The following ODF2L variants were observed in gnomAD, a reference collection of about 807,000 sequenced individuals.
ODF2L encodes the protein outer dense fiber of sperm tails 2 like, also known as protein BCAP.
ODF2L carries 76 observed loss-of-function variants against 86.3 expected under a neutral mutation model. That is an observed-to-expected ratio of 0.88 (90% CI 0.73 to 1.07). The LOEUF is 1.07. ODF2L is among the 50% of genes least tolerant of loss of function. The pLI is 0.00. For missense variants in ODF2L, 748 were observed against 717.4 expected, an observed-to-expected ratio of 1.04 and a Z score of -0.49; for synonymous variants, 241 against 231.3, an observed-to-expected ratio of 1.04 and a Z score of -0.38.
chr1:86,381,494 T>A (rs1406111468), intron 7 of ODF2L, among the ~76,000 whole-genome samples: 1 of 152,018 alleles, frequency 6.6e-6, no homozygotes, highest in Non-Finnish European at 1.5e-5. Flanking sequence ...GCTGCAGACA[T>A]CTGCTATAAT....
At position 86,389,617 on chromosome 1, in the gene ODF2L, A is replaced by G. The variant is rs552266024; in HGVS notation, c.-59-2531T>C. The stretch of plus-strand genomic sequence containing the variant: ...TGAAACAAAAAGCTGGTCCTTTGAA[A>G]AGATAAATAAAACTGACAGAACATT... On this transcript the variant is annotated intron_variant, in intron 1 of 17. Coordinates refer to ENST00000317336, the Ensembl canonical transcript of ODF2L. Among the ~76,000 whole-genome samples the G allele has an allele frequency of 4.1e-5, 6 of 147,626 alleles. No individual in the cohort carries two copies. The East Asian group carries it at 1.2e-3, about 30-fold the overall frequency.
chr1:86,365,457 A>G lies in ODF2L; in HGVS notation c.1143+3179T>C, dbSNP rs558373860. On this transcript the variant is annotated intron_variant, in intron 11 of 17. Coordinates refer to ENST00000317336, the Ensembl canonical transcript of ODF2L. ...CAGAGGGAGACAAATTATACAAACAAGTAAGTGTAATGAAATTCTACCTGC... is the reference window on the plus strand; with the variant it reads ...CAGAGGGAGACAAATTATACAAACAGGTAAGTGTAATGAAATTCTACCTGC... Among the ~76,000 whole-genome samples, 5 of 152,288 alleles carry G rather than the reference A, an allele frequency of 3.3e-5. No homozygotes were observed. In the South Asian group the frequency reaches 1.0e-3, roughly 32 times the overall value.
intron 10 of ODF2L, 45 bp downstream of exon 10, chr1:86,370,973 G>A (rs1659750709): frequency 7.7e-7 from 1 of 1,298,714 alleles, no homozygotes; most frequent in Non-Finnish European, 1.0e-6. Flanking sequence ...AGTAGACTAT[G>A]GTCATTACAC....
At position 86,360,405 on chromosome 1, in the gene ODF2L, TA is replaced by T. The variant is rs774927072; in HGVS notation, c.1254+20del. Reference sequence around the variant, plus strand: ...ATTGTCTACCAATTTTAGTAAACACTAAAATAAATGCAGTAGTCACCTGAGT... The same window carrying T: ...ATTGTCTACCAATTTTAGTAAACACTAAATAAATGCAGTAGTCACCTGAGT... On this transcript the variant is annotated intron_variant, in intron 12 of 17. Coordinates refer to ENST00000317336, the Ensembl canonical transcript of ODF2L. The T allele has an allele frequency of 3.1e-5, 33 of 1,076,896 alleles. No individual in the cohort carries two copies. Among genetic ancestry groups the T allele is most frequent in the Middle Eastern group, 4.2e-4 (2 of 4,784 alleles). The allele number at this position is 1,076,896 out of a possible 1,614,324, so 66.7% of individuals were successfully genotyped here.
intron 2 of ODF2L, chr1:86,385,842 T>TATATGAGCCTAAGAACATTCTA (rs1570431789): frequency 4.0e-6 from 1 of 248,786 alleles, no homozygotes; most frequent in South Asian, 1.4e-4. Flanking sequence ...AAGGAGCATT[T>TATATGAGCCTAAGAACATTCTA]TCAATATTTA....
At chr1:86,392,739 A>G (rs1022275746) in intron 1 of ODF2L, among the ~76,000 whole-genome samples, 1 of 152,226 alleles carries the variant, frequency 6.6e-6, no homozygotes, top group Non-Finnish European at 1.5e-5. Context: ...TGGGTGCACC[A>G]AAATCTCACA....
At chr1:86,358,972 T>C in intron 12 of ODF2L, 81 bp from the exon 12 acceptor site, 1 of 674,550 alleles carries the variant, frequency 1.5e-6, no homozygotes, top group Non-Finnish European at 2.4e-6. Context: ...AATTTCATTT[T>C]AAACAAGTCA....
At chr1:86,355,565 G>A (rs932473258) in intron 14 of ODF2L, among the ~76,000 whole-genome samples, 9 of 151,908 alleles carry the variant, frequency 5.9e-5, no homozygotes, top group African/African-American at 2.2e-4. Context: ...GGGTACAAAT[G>A]CAGGTTTGTT....
rs541278370 is a variant in ODF2L, at chr1:86,370,811, G to A, written c.1056+207C>T. ...ATTCATTTAACTGCAAAAATGCATAGTAGTTTATTTTAAAAGTTGAGGCAA... is the reference window on the plus strand; with the variant it reads ...ATTCATTTAACTGCAAAAATGCATAATAGTTTATTTTAAAAGTTGAGGCAA... On this transcript the variant is annotated intron_variant, in intron 10 of 17. Coordinates refer to ENST00000317336, the Ensembl canonical transcript of ODF2L. Among the ~76,000 whole-genome samples, 56 of 152,248 alleles carry A rather than the reference G, an allele frequency of 3.7e-4. 2 individuals are homozygous for A. The South Asian group carries it at 0.01, about 28-fold the overall frequency.
At chr1:86,352,313 T>G in intron 17 of ODF2L, 1 of 1,305,776 alleles carries the variant, frequency 7.7e-7, no homozygotes, top group Admixed American at 3.6e-5. Flanking sequence ...TCTATGCCAA[T>G]TGACTGTTTC....
rs1236899843 is a variant in ODF2L at position 86,373,538 on chromosome 1, A to C, written c.811-998T>G. On this transcript the variant is annotated intron_variant, in intron 8 of 17. Coordinates refer to ENST00000317336, the Ensembl canonical transcript of ODF2L. ...ATATATTGATATATATAACTACTCT[A>C]TATATATGGTGTATATACTATATAC... is the stretch of plus-strand genomic sequence containing the variant. 6.0e-5 allele frequency among the ~76,000 whole-genome samples: 9 copies of C among 149,908 alleles called. No individual in the cohort carries two copies. In the South Asian group the frequency reaches 8.4e-4, roughly 14 times the overall value.
chr1:86,387,489 A>C (rs969914456), intron 1 of ODF2L, among the ~76,000 whole-genome samples: 15 of 152,214 alleles, frequency 9.9e-5, no homozygotes, highest in African/African-American at 3.4e-4. Context: ...AAATCTGTAG[A>C]AATTCAACTT....
chr1:86,356,919 C>A (rs992139934), intron 13 of ODF2L, among the ~76,000 whole-genome samples: 1 of 152,114 alleles, frequency 6.6e-6, no homozygotes, highest in Non-Finnish European at 1.5e-5. Context: ...TCACTAATAA[C>A]CATTACTAAT....
chr1:86,361,573 C>G, intron 11 of ODF2L, among the ~76,000 whole-genome samples: 1 of 152,154 alleles, frequency 6.6e-6, no homozygotes, highest in Non-Finnish European at 1.5e-5. Flanking sequence ...GTATCTCTCT[C>G]CAAAATTTCA....
intron 11 of ODF2L, among the ~76,000 whole-genome samples, chr1:86,366,726 T>C (rs72949879): frequency 0.02 from 2,977 of 152,014 alleles, 99 homozygotes; most frequent in African/African-American, 0.069. Flanking sequence ...CTTTTTAAAA[T>C]TCTTGAAAAT....
In ODF2L at chr1:86,372,186, T is replaced by A. The variant is rs1239781641; in HGVS notation, c.920+245A>T. ...CCTGGCAACAAAGTGAGACTCCATCTCAAAAAAAAAAAAAAAATTAAAAAT... is the reference window on the plus strand; with the variant it reads ...CCTGGCAACAAAGTGAGACTCCATCACAAAAAAAAAAAAAAAATTAAAAAT... On this transcript the variant is annotated intron_variant, in intron 9 of 17. Transcript: ENST00000317336. 6.5e-5 allele frequency among the ~76,000 whole-genome samples: 7 copies of A among 107,940 alleles called. No homozygotes were observed. The East Asian group carries it at 1.8e-3, about 27-fold the overall frequency. The allele number at this position is 107,940 out of a possible 152,430, so 70.8% of individuals were successfully genotyped here. A position where few individuals can be genotyped will look rare whatever the true frequency, so the allele number is the denominator to read the frequency against.
At chr1:86,360,573 A>C (rs761121085) in intron 11 of ODF2L, 37 bp from the exon 11 acceptor site, 1 of 841,370 alleles carries the variant, frequency 1.2e-6, no homozygotes, top group Non-Finnish European at 2.0e-6. Context: ...AGTCATTAGA[A>C]TACATTTATA....
At chr1:86,369,179 A>G (rs1418021319) in intron 10 of ODF2L, among the ~76,000 whole-genome samples, 2 of 152,188 alleles carry the variant, frequency 1.3e-5, no homozygotes, top group African/African-American at 4.8e-5. Flanking sequence ...AGAAAACATG[A>G]GTAGTTCATA....
chr1:86,386,126 G>T, intron 2 of ODF2L: 1 of 152,246 alleles, frequency 6.6e-6, no homozygotes, highest in Admixed American at 6.5e-5. Context: ...CCAGAAGCTG[G>T]ACTAAGCTAT....
Sources: gnomAD v4.1 joint callset for allele counts (sites outside exome capture counted in the v4.1 genomes callset) on GRCh38, gnomAD v4.1.1 for gene constraint, MANE v1.5 for transcripts, NCBI Gene and HGNC (gene_info 2026-07-23, HGNC 2026-07-21) for gene names.